Variants in PKMYT1 observed in about 807,000 individuals in gnomAD.
PKMYT1 encodes the protein protein kinase, membrane associated tyrosine/threonine 1, also known as membrane-associated tyrosine- and threonine-specific cdc2-inhibitory kinase.
Under a neutral mutation model 49.7 loss-of-function variants are expected in PKMYT1, and 35 were observed. The ratio of observed to expected loss-of-function variants is 0.70; its 90% CI spans 0.54 to 0.93. The LOEUF is 0.93. PKMYT1 is among the 40% of genes least tolerant of loss of function. PKMYT1 has a pLI of 0.00. For missense variants in PKMYT1, 677 were observed against 673.1 expected, an observed-to-expected ratio of 1.01 and a Z score of -0.06; for synonymous variants, 331 against 287.6, an observed-to-expected ratio of 1.15 and a Z score of -1.53.
In PKMYT1 at chr16:2,972,809, TGG is replaced by T; in HGVS notation, c.*142_*143del. 1 of 1,539,310 alleles carries T rather than the reference TGG, an allele frequency of 6.5e-7. No individual in the cohort carries two copies. The highest frequency in any genetic ancestry group is 8.8e-7 in the Non-Finnish European group (1 of 1,140,616). ...GGCCATGTTGCCACATGAGCAAGCTTGGGTGCTCCCAAGGTTCAAATACTTTT... is the reference window on the plus strand; with the variant it reads ...GGCCATGTTGCCACATGAGCAAGCTTGTGCTCCCAAGGTTCAAATACTTTT... On this transcript the variant is annotated 3_prime_UTR_variant, in exon 9 of 9. Transcript: ENST00000262300.
intron 2 of PKMYT1, 197 bp from the exon 3 acceptor site, chr16:2,977,228 G>A (rs1386221675): frequency 1.4e-6 from 2 of 1,405,576 alleles, no homozygotes; most frequent in African/African-American, 1.4e-5. Flanking sequence ...CCACCAGGCT[G>A]TTGTATTTTA....
chr16:2,973,418 C>T (rs1486078652), intron 7 of PKMYT1: 2 of 1,533,608 alleles, frequency 1.3e-6, no homozygotes, highest in East Asian at 2.5e-5. Context: ...ACTCCAAGGC[C>T]CCCTCTGTCC....
chr16:2,974,161 T>C lies in PKMYT1; in HGVS notation c.1153-4A>G, dbSNP rs2072107055. ...AGCAGAGCAGGGCAAGCAGGGCCTG[T>C]GGGGGAGAGGAGCTCAGGATGTGGG... On this transcript the variant is annotated splice_region_variant and splice_polypyrimidine_tract_variant and intron_variant, in intron 6 of 8. Transcript: ENST00000262300. 6.3e-7 allele frequency: 1 copy of C among 1,595,424 alleles called. No individual in the cohort carries two copies. Among genetic ancestry groups the C allele is most frequent in the South Asian group, 1.1e-5 (1 of 88,908 alleles).
chr16:2,973,460 T>A (rs1201108886), intron 7 of PKMYT1: 11 of 1,513,226 alleles, frequency 7.3e-6, no homozygotes, highest in Non-Finnish European at 7.1e-6. Flanking sequence ...GAGGCAGATT[T>A]GAAATAAACT....
rs1358477981 is a variant in PKMYT1 at position 2,975,777 on chromosome 16, T to C, written c.414A>G (p.Val138=). ...RSKEDGRLYA[V]KRSMSPFRGP... is the part of the protein sequence containing the mutation. ...CCCGGAATGGTGACATGGAACGCTT[T>C]ACCGCATAGAGCCGGCCGTCCTCCT... The change falls in exon 4 of 9, where the codon GTA becomes GTG. Residue 138 remains valine (V), a synonymous_variant. Coordinates refer to ENST00000262300, the MANE Select transcript of PKMYT1 (RefSeq NM_004203.5). 2.5e-6 allele frequency: 4 copies of C among 1,599,184 alleles called. No homozygotes were observed. The South Asian group carries it at 3.3e-5, about 13-fold the overall frequency.
chr16:2,975,693 C>CT lies in PKMYT1; in HGVS notation c.497dup (p.His167AlafsTer33). 6.2e-7 allele frequency: 1 copy of CT among 1,609,340 alleles called. No individual in the cohort carries two copies. The highest frequency in any genetic ancestry group is 8.5e-7 in the Non-Finnish European group (1 of 1,179,888). On this transcript the variant is annotated frameshift_variant, in exon 4 of 9. Coordinates refer to ENST00000262300, the MANE Select transcript of PKMYT1 (RefSeq NM_004203.5). LOFTEE classifies it high-confidence loss of function. ...GCTCCAGCCGCACGCAGCATGGGTG[C>CT]TGCCCCACCTTCTCGTGGCTGCCCA... is the stretch of plus-strand genomic sequence containing the variant.
In PKMYT1 at chr16:2,979,751, G is replaced by A; in HGVS notation, c.-94C>T. 6.4e-7 allele frequency: 1 copy of A among 1,550,902 alleles called. No individual in the cohort carries two copies. On this transcript the variant is annotated 5_prime_UTR_variant, in exon 2 of 9. Transcript: ENST00000262300. ...CAGGGTGTCCCTGAGCTAAGGCCAG[G>A]CGGGGGTGACCTCCGCAGCTTCCGG...
At chr16:2,975,903 G>A in intron 3 of PKMYT1, 91 bp from the exon 4 acceptor site, 3 of 1,397,044 alleles carry the variant, frequency 2.1e-6, no homozygotes, top group Non-Finnish European at 2.9e-6. Context: ...CCCCATTAAG[G>A]GTTCACACAC....
At position 2,975,754 on chromosome 16, in the gene PKMYT1, C is replaced by T. The variant is rs530441645; in HGVS notation, c.437G>A (p.Arg146Gln). 4.6e-5 allele frequency: 74 copies of T among 1,600,966 alleles called. No individual in the cohort carries two copies. Among genetic ancestry groups the T allele is most frequent in the Non-Finnish European group, 5.8e-5 (69 of 1,179,862 alleles). Residue 146 changes from arginine to glutamine, a missense_variant, in exon 4 of 9, where the codon CGG becomes CAG. Arg to Gln is a conservative substitution (Grantham distance 43). Transcript: ENST00000262300. ...YAVKRSMSPF[R>Q]GPKDRARKLA... ...CTTGCGGGCCCGGTCCTTGGGGCCC[C>T]GGAATGGTGACATGGAACGCTTTAC...
Position 2,975,521 on chromosome 16 carries a change from G to C in PKMYT1, c.670C>G (p.Leu224Val), listed in dbSNP as rs531556877. The change falls in exon 4 of 9, where the codon CTG becomes GTG. Residue 224 changes from leucine to valine, a missense_variant. By Grantham distance (32) the Leu-to-Val change is conservative. Coordinates refer to ENST00000262300, the MANE Select transcript of PKMYT1 (RefSeq NM_004203.5). ...LRDTLLALAH[L>V]HSQGLVHLDV... ...AGGTGCACCAGGCCCTGGCTGTGCAGATGGGCCAGGGCAAGCAGCGTGTCC... is the reference window on the plus strand; with the variant it reads ...AGGTGCACCAGGCCCTGGCTGTGCACATGGGCCAGGGCAAGCAGCGTGTCC... 169 of 1,612,548 alleles carry C rather than the reference G, an allele frequency of 1.0e-4. 1 individual carries two copies. Among genetic ancestry groups the C allele is most frequent in the Non-Finnish European group, 1.3e-4 (153 of 1,179,912 alleles).
rs1481557685 is a variant in PKMYT1, at chr16:2,973,852, C to T, written c.1310+148G>A. 4 of 889,464 alleles carry T rather than the reference C, an allele frequency of 4.5e-6. No individual in the cohort carries two copies. In the Admixed American group the frequency reaches 7.6e-5, roughly 17 times the overall value. 55.1% of individuals were successfully genotyped at this position (889,464 alleles called of 1,614,324 possible). ...CCAGCTGCATTAAGCCTGGCCAGGC[C>T]ACACACCCCCAGTCTTGGTCCCCTT... On this transcript the variant is annotated intron_variant, in intron 7 of 8. Transcript: ENST00000262300.
Position 2,975,692 on chromosome 16 carries a change from G to A in PKMYT1, c.499C>T (p.His167Tyr). The change falls in exon 4 of 9, where the codon CAC (histidine) becomes TAC (tyrosine). Residue 167 changes from histidine (H) to tyrosine (Y), a missense_variant. His to Tyr is a moderately conservative substitution (Grantham distance 83, BLOSUM62 2). Coordinates refer to ENST00000262300, the MANE Select transcript of PKMYT1 (RefSeq NM_004203.5). ...TGCTCCAGCCGCACGCAGCATGGGT[G>A]CTGCCCCACCTTCTCGTGGCTGCCC... ...EVGSHEKVGQ[H>Y]PCCVRLEQAW... 1.2e-6 allele frequency: 2 copies of A among 1,609,496 alleles called. No individual in the cohort carries two copies. Among genetic ancestry groups the A allele is most frequent in the Non-Finnish European group, 1.7e-6 (2 of 1,179,894 alleles).
At chr16:2,975,249 G>A (rs1296033824) in intron 4 of PKMYT1, 70 bp downstream of exon 4, 2 of 1,475,372 alleles carry the variant, frequency 1.4e-6, no homozygotes, top group East Asian at 2.5e-5. Flanking sequence ...TCCCTCCTGG[G>A]GAATGGAGCT....
chr16:2,975,598 C>T lies in PKMYT1; in HGVS notation c.593G>A (p.Cys198Tyr). Residue 198 changes from cysteine to tyrosine, a missense_variant, in exon 4 of 9, where the codon TGT (cysteine) becomes TAT (tyrosine). Coordinates refer to ENST00000262300, the MANE Select transcript of PKMYT1 (RefSeq NM_004203.5). ...ELCGPSLQQH[C>Y]EAWGASLPEA... ...AGGCAGGCTGGCACCCCAGGCCTCACAGTGTTGCTGCAGGCTGGGCCCGCA... is the reference window on the plus strand; with the variant it reads ...AGGCAGGCTGGCACCCCAGGCCTCATAGTGTTGCTGCAGGCTGGGCCCGCA... 6.2e-7 allele frequency: 1 copy of T among 1,611,654 alleles called. No homozygotes were observed. The highest frequency in any genetic ancestry group is 8.5e-7 in the Non-Finnish European group (1 of 1,179,734).
chr16:2,973,417 C>A, intron 7 of PKMYT1: 3 of 1,533,538 alleles, frequency 2.0e-6, no homozygotes, highest in Non-Finnish European at 2.6e-6. Flanking sequence ...CACTCCAAGG[C>A]CCCCTCTGTC....
rs752032639 is a variant in PKMYT1 at position 2,979,675 on chromosome 16, A to G, written c.-18T>C. ...TCTAGCATGACTGGCCTGGCCCAACAGCCTCAGTGGTGGGACGGGGGAGGC... is the reference window on the plus strand; with the variant it reads ...TCTAGCATGACTGGCCTGGCCCAACGGCCTCAGTGGTGGGACGGGGGAGGC... On this transcript the variant is annotated 5_prime_UTR_variant, in exon 2 of 9. Coordinates refer to ENST00000262300, the MANE Select transcript of PKMYT1 (RefSeq NM_004203.5). The G allele has an allele frequency of 1.1e-5, 18 of 1,613,912 alleles. No individual in the cohort carries two copies. In the East Asian group the frequency reaches 4.0e-4, roughly 36 times the overall value.
At position 2,979,983 on chromosome 16, in the gene PKMYT1, C is replaced by G. The variant is rs1465169126; in HGVS notation, c.-255-71G>C. ...TGTTGCAGAAGAAGAGAGGCTGTCC[C>G]GGGGCAGGGGCTGTCACGGAGGAAG... is the stretch of plus-strand genomic sequence containing the variant. On this transcript the variant is annotated intron_variant, in intron 1 of 8. Coordinates refer to ENST00000262300, the MANE Select transcript of PKMYT1 (RefSeq NM_004203.5). 1.5e-5 allele frequency: 6 copies of G among 398,006 alleles called. No individual in the cohort carries two copies. In the East Asian group the frequency reaches 1.9e-4, roughly 13 times the overall value. 24.7% of individuals were successfully genotyped at this position (398,006 alleles called of 1,614,324 possible).
chr16:2,973,023 C>T lies in PKMYT1; in HGVS notation c.1430G>A (p.Arg477Gln), dbSNP rs61747723. 197 of 1,609,764 alleles carry T rather than the reference C, an allele frequency of 1.2e-4. No homozygotes were observed. In the African/African-American group the frequency reaches 1.6e-3, roughly 13 times the overall value. ...DLSDINSEPP[R>Q]GSFPSFEPRN... Reference sequence around the variant, plus strand: ...AGGCTCAAAGGAGGGGAAGGAGCCCCGAGGAGGCTCTGAGTTGATGTCACT... The same window carrying T: ...AGGCTCAAAGGAGGGGAAGGAGCCCTGAGGAGGCTCTGAGTTGATGTCACT... Residue 477 changes from arginine to glutamine, a missense_variant, in exon 9 of 9, where the codon CGG (arginine) becomes CAG (glutamine). By Grantham distance (43) the Arg-to-Gln change is conservative. Transcript: ENST00000262300.
At chr16:2,975,865 C>T (rs2072177134) in intron 3 of PKMYT1, 53 bp from the exon 4 acceptor site, 1 of 1,543,010 alleles carries the variant, frequency 6.5e-7, no homozygotes, top group Non-Finnish European at 8.7e-7. Flanking sequence ...ACAAGTGGCA[C>T]AATCACATAG....
Sources: allele counts gnomAD v4.1 joint callset, GRCh38; gene constraint gnomAD v4.1.1; transcripts MANE v1.5; gene names NCBI Gene and HGNC (gene_info 2026-07-23, HGNC 2026-07-21).